DNAAF4: variants seen among roughly 807,000 people sequenced by gnomAD.
The protein encoded by DNAAF4 is dynein assembly factor 4, axonemal.
In DNAAF4, 43 loss-of-function variants were observed where a neutral mutation model predicts 51.8. The observed-to-expected ratio is 0.83, with a 90% confidence interval of 0.65 to 1.07. The LOEUF (loss-of-function observed/expected upper bound fraction) is 1.07, where lower values mean the gene tolerates loss of function less well. DNAAF4 is among the 50% of genes least tolerant of loss of function. The probability of loss-of-function intolerance (pLI) is 0.00; values close to 1 mark genes in which losing one functional copy is unlikely to be tolerated. For synonymous variants in DNAAF4, 194 were observed against 165.6 expected (o/e 1.17, Z -1.32); for missense variants, 581 against 493.0 (o/e 1.18, Z -1.69).
chr15:55,444,493 G>C (rs2057764966), intron 6 of DNAAF4, among the ~76,000 whole-genome samples: 1 of 152,178 alleles, frequency 6.6e-6, no homozygotes, highest in Admixed American at 6.6e-5. Context: ...CTCCAGCTTT[G>C]TTCTTTTGGC....
At chr15:55,418,641 T>C in intron 7 of DNAAF4, 3 of 1,041,740 alleles carry the variant, frequency 2.9e-6, no homozygotes, top group Non-Finnish European at 4.0e-6. Flanking sequence ...AAGGGTAGAA[T>C]ACCTAATAAA....
chr15:55,502,689 A>C (rs2141612311), intron 1 of DNAAF4, among the ~76,000 whole-genome samples: 1 of 152,326 alleles, frequency 6.6e-6, no homozygotes, highest in East Asian at 1.9e-4. Context: ...TAAATATCGA[A>C]ATGAAGGCAG....
intron 7 of DNAAF4, among the ~76,000 whole-genome samples, chr15:55,419,888 G>A (rs1434812508): frequency 3.9e-5 from 6 of 152,000 alleles, no homozygotes; most frequent in African/African-American, 1.2e-4. Context: ...TGTAATCCCA[G>A]CTACTTTGGG....
At chr15:55,448,081 T>A (rs2057866999) in intron 6 of DNAAF4, among the ~76,000 whole-genome samples, 1 of 152,162 alleles carries the variant, frequency 6.6e-6, no homozygotes, top group Non-Finnish European at 1.5e-5. Flanking sequence ...TTGAGATACT[T>A]CCCATCAATA....
intron 4 of DNAAF4, 102 bp downstream of exon 4, chr15:55,491,021 G>T: frequency 7.2e-7 from 1 of 1,393,538 alleles, no homozygotes; most frequent in Non-Finnish European, 9.9e-7. Flanking sequence ...TCTAAACAAA[G>T]TATGAAGAAA....
Position 55,498,354 on chromosome 15 carries a change from C to A in DNAAF4, c.-25G>T, listed in dbSNP as rs778284230. On this transcript the variant is annotated 5_prime_UTR_variant, in exon 2 of 10. Transcript: ENST00000321149. ...TTCCGGTAGCAACGGGAGCGGATAG[C>A]GCGGCTGGTTGCTTCTTGCGCCTGC... The A allele has an allele frequency of 1.3e-6, 2 of 1,590,986 alleles. No individual in the cohort carries two copies. Among genetic ancestry groups the A allele is most frequent in the South Asian group, 1.1e-5 (1 of 89,406 alleles).
At chr15:55,418,162 T>A (rs759596262) in intron 7 of DNAAF4, 2 of 1,563,624 alleles carry the variant, frequency 1.3e-6, no homozygotes, top group Non-Finnish European at 1.7e-6. Context: ...TGGGACTGAA[T>A]TAAATTTTTT....
chr15:55,459,253 A>T (rs939760714), intron 5 of DNAAF4, among the ~76,000 whole-genome samples: 1 of 152,132 alleles, frequency 6.6e-6, no homozygotes, highest in African/African-American at 2.4e-5. Context: ...ATCCAGTGAA[A>T]CTAAGCTTCA....
intron 5 of DNAAF4, among the ~76,000 whole-genome samples, chr15:55,459,710 C>CT (rs368607025): frequency 0.17 from 24,730 of 145,994 alleles, 3,847 homozygotes; most frequent in African/African-American, 0.42. Flanking sequence ...TTCTTTCTTT[C>CT]TTTTTTTTTT....
At chr15:55,467,296 G>A in intron 4 of DNAAF4, 135 bp from the exon 5 acceptor site, 1 of 828,270 alleles carries the variant, frequency 1.2e-6, no homozygotes, top group South Asian at 1.9e-5. Context: ...AGGTAGTAGT[G>A]AATTATGAAT....
intron 1 of DNAAF4, among the ~76,000 whole-genome samples, chr15:55,503,674 C>T (rs903148876): frequency 5.3e-5 from 8 of 152,080 alleles, no homozygotes; most frequent in African/African-American, 1.9e-4. Flanking sequence ...AGACAAAAAC[C>T]ACATGATCAT....
At chr15:55,458,837 G>A (rs935364743) in intron 5 of DNAAF4, among the ~76,000 whole-genome samples, 1 of 152,084 alleles carries the variant, frequency 6.6e-6, no homozygotes, top group Non-Finnish European at 1.5e-5. Flanking sequence ...ACTTTGGGAG[G>A]CCAAGGCGGG....
intron 4 of DNAAF4, among the ~76,000 whole-genome samples, chr15:55,487,370 G>A (rs78617514): frequency 0.05 from 7,677 of 152,128 alleles, 665 homozygotes; most frequent in African/African-American, 0.18. Flanking sequence ...AATTGTAAAC[G>A]CACCAATCAG....
intron 4 of DNAAF4, among the ~76,000 whole-genome samples, chr15:55,487,406 A>T (rs2058506334): frequency 6.6e-6 from 1 of 152,164 alleles, no homozygotes; most frequent in Non-Finnish European, 1.5e-5. Context: ...ACCAATCAGC[A>T]CTCTGTAAAA....
At chr15:55,493,303 T>C (rs2058598615) in intron 3 of DNAAF4, among the ~76,000 whole-genome samples, 1 of 152,254 alleles carries the variant, frequency 6.6e-6, no homozygotes, top group Admixed American at 6.5e-5. Context: ...ACTACTATTA[T>C]TTGTTGCCTA....
At chr15:55,439,714 C>A in intron 6 of DNAAF4, 133 bp from the exon 7 acceptor site, 1 of 720,380 alleles carries the variant, frequency 1.4e-6, no homozygotes, top group Non-Finnish European at 2.2e-6. Context: ...GTCTTCTCCA[C>A]CTCTCCTCCA....
intron 4 of DNAAF4, among the ~76,000 whole-genome samples, chr15:55,472,730 A>G (rs904451836): frequency 7.9e-5 from 12 of 152,342 alleles, no homozygotes; most frequent in African/African-American, 2.9e-4. Flanking sequence ...ATACGAGAAT[A>G]ATGAATAGTT....
intron 7 of DNAAF4, among the ~76,000 whole-genome samples, chr15:55,438,695 G>T (rs1258567988): frequency 6.6e-6 from 1 of 151,522 alleles, no homozygotes; most frequent in East Asian, 1.9e-4. Flanking sequence ...TGAGGCAGAA[G>T]AACTGCTTGA....
At chr15:55,449,822 G>A (rs1481087335) in intron 6 of DNAAF4, among the ~76,000 whole-genome samples, 1 of 143,722 alleles carries the variant, frequency 7.0e-6, no homozygotes, top group South Asian at 2.3e-4. Flanking sequence ...CCCCAGCCCC[G>A]CTAGTAGCTG....
Sources: gnomAD v4.1 joint callset for allele counts (sites outside exome capture counted in the v4.1 genomes callset) on GRCh38, gnomAD v4.1.1 for gene constraint, MANE v1.5 for transcripts, NCBI Gene and HGNC (gene_info 2026-07-23, HGNC 2026-07-21) for gene names.